RPS6KC1: variants seen among roughly 807,000 people sequenced by gnomAD.
RPS6KC1 encodes inactive ribosomal protein S6 kinase delta-1.
Under a neutral mutation model 103.8 loss-of-function variants are expected in RPS6KC1, and 54 were observed. The observed-to-expected ratio is 0.52, with a 90% CI of 0.42 to 0.65. The LOEUF is 0.65. Among genes scored for constraint, RPS6KC1 ranks in the 30% least tolerant of loss-of-function variants. The pLI is 0.00. For missense variants in RPS6KC1, 1,151 were observed against 1,253.8 expected (o/e 0.92, Z 1.24); for synonymous variants, 439 against 438.7 (o/e 1.00, Z -0.01).
the RPS6KC1 span, among the ~76,000 whole-genome samples, chr1:213,580,190 C>A: frequency 9.2e-5 from 14 of 151,988 alleles, no homozygotes; most frequent in African/African-American, 3.1e-4. Context: ...GTCAAAATAT[C>A]CATTTTAACA....
chr1:213,191,091 GT>G (rs970338941), intron 8 of RPS6KC1, among the ~76,000 whole-genome samples: 4 of 152,022 alleles, frequency 2.6e-5, no homozygotes, highest in African/African-American at 9.7e-5. Context: ...GTTTCTTCCA[GT>G]TTTGTTGTTT....
chr1:213,147,137 A>T (rs1204531371), intron 6 of RPS6KC1, among the ~76,000 whole-genome samples: 2 of 152,060 alleles, frequency 1.3e-5, no homozygotes, highest in Non-Finnish European at 2.9e-5. Flanking sequence ...CTCCCATTCT[A>T]TGGGCTGTCT....
chr1:213,301,745 A>ATTTATTTG, the RPS6KC1 span, among the ~76,000 whole-genome samples: 1 of 136,888 alleles, frequency 7.3e-6, no homozygotes, highest in Non-Finnish European at 1.6e-5. Context: ...TTATTTATTT[A>ATTTATTTG]TTTGTGAGAC....
intron 10 of RPS6KC1, among the ~76,000 whole-genome samples, chr1:213,234,125 TG>T (rs770093646): frequency 5.1e-4 from 77 of 151,786 alleles, no homozygotes; most frequent in Non-Finnish European, 1.0e-3. Context: ...TGGGCTCAAG[TG>T]ATCTCCCACC....
chr1:213,351,599 A>G, the RPS6KC1 span, among the ~76,000 whole-genome samples: 1 of 152,188 alleles, frequency 6.6e-6, no homozygotes, highest in Non-Finnish European at 1.5e-5. Context: ...ACTGAATGCT[A>G]TAGTCATGAC....
chr1:213,262,959 T>C, intron 14 of RPS6KC1, 143 bp downstream of exon 14: 4 of 625,342 alleles, frequency 6.4e-6, no homozygotes, highest in Non-Finnish European at 8.6e-6. Flanking sequence ...ATTAATACTG[T>C]ATATTTTCAG....
chr1:213,638,000 G>A, the RPS6KC1 span, among the ~76,000 whole-genome samples: 48 of 151,582 alleles, frequency 3.2e-4, no homozygotes, highest in Non-Finnish European at 5.0e-4. Context: ...AATTTTTTTT[G>A]TAGAGATGGA....
the RPS6KC1 span, among the ~76,000 whole-genome samples, chr1:213,343,165 C>T: frequency 6.6e-6 from 1 of 150,904 alleles, no homozygotes; most frequent in Non-Finnish European, 1.5e-5. Flanking sequence ...AATACTAAAA[C>T]ATTTCAATAG....
the RPS6KC1 span, among the ~76,000 whole-genome samples, chr1:213,711,952 C>T: frequency 6.6e-6 from 1 of 152,286 alleles, no homozygotes; most frequent in African/African-American, 2.4e-5. Flanking sequence ...GTCTGTTGAC[C>T]CCTGATGGGA....
intron 14 of RPS6KC1, among the ~76,000 whole-genome samples, chr1:213,264,813 C>T (rs771221494): frequency 6.6e-6 from 1 of 152,194 alleles, no homozygotes; most frequent in Middle Eastern, 3.4e-3. Flanking sequence ...AATAATTCTA[C>T]GTGGGGGAAA....
downstream of RPS6KC1, among the ~76,000 whole-genome samples, chr1:213,278,865 G>A (rs1377671445): frequency 6.6e-6 from 1 of 151,972 alleles, no homozygotes; most frequent in Non-Finnish European, 1.5e-5. Context: ...GTGTAGATAG[G>A]ATTTTTAAAC....
chr1:213,678,081 C>A, the RPS6KC1 span, among the ~76,000 whole-genome samples: 1 of 151,958 alleles, frequency 6.6e-6, no homozygotes, highest in Non-Finnish European at 1.5e-5. Flanking sequence ...GAAGGAGTTT[C>A]TTGTTTCGTT....
At chr1:213,354,103 G>A in the RPS6KC1 span, among the ~76,000 whole-genome samples, 1 of 152,172 alleles carries the variant, frequency 6.6e-6, no homozygotes, top group Non-Finnish European at 1.5e-5. Flanking sequence ...TACCTGTCTT[G>A]GCACCATTCC....
At chr1:213,150,093 C>G (rs1352396828) in intron 6 of RPS6KC1, among the ~76,000 whole-genome samples, 1 of 152,014 alleles carries the variant, frequency 6.6e-6, no homozygotes, top group African/African-American at 2.4e-5. Flanking sequence ...GTTTTTTCAT[C>G]CATTCAGCCA....
chr1:213,138,723 A>G (rs1438180232), intron 6 of RPS6KC1, among the ~76,000 whole-genome samples: 2 of 152,258 alleles, frequency 1.3e-5, no homozygotes, highest in East Asian at 1.9e-4. Context: ...ATTCTGTAGT[A>G]TATCTGTACC....
chr1:213,436,690 A>G, the RPS6KC1 span, among the ~76,000 whole-genome samples: 1 of 152,142 alleles, frequency 6.6e-6, no homozygotes. Flanking sequence ...TCTCAGTGAT[A>G]ATATTTTATA....
Position 213,205,547 on chromosome 1 carries a change from G to GATATAGATATATATATATATATAT in RPS6KC1, c.1045-24945_1045-24944insGATATATATATATATATATATATA, listed in dbSNP as rs1187996128. Among the ~76,000 whole-genome samples the GATATAGATATATATATATATATAT allele has an allele frequency of 9.3e-4, 95 of 102,470 alleles. 1 individual carries two copies. The highest frequency in any genetic ancestry group is 3.3e-3 in the African/African-American group (89 of 27,336). 67.2% of individuals were successfully genotyped at this position (102,470 alleles called of 152,430 possible). ...AACAACAAACTCATTTATATATATA[G>GATATAGATATATATATATATATAT]ATATATATATATATATATATTTCAA... is the stretch of plus-strand genomic sequence containing the variant. On this transcript the variant is annotated intron_variant, in intron 8 of 14. Transcript: ENST00000366960.
the RPS6KC1 span, among the ~76,000 whole-genome samples, chr1:213,551,341 C>T: frequency 3.3e-5 from 5 of 152,056 alleles, no homozygotes; most frequent in African/African-American, 1.2e-4. Context: ...TCAGCCCAGA[C>T]AAAAGGGGGA....
intron 10 of RPS6KC1, among the ~76,000 whole-genome samples, chr1:213,236,170 A>G (rs2094216522): frequency 6.6e-6 from 1 of 152,168 alleles, no homozygotes; most frequent in Admixed American, 6.6e-5. Flanking sequence ...GTTTCACCCC[A>G]AAACACTTTC....
Sources: allele counts gnomAD v4.1 joint callset (sites outside exome capture counted in the v4.1 genomes callset), GRCh38; gene constraint gnomAD v4.1.1; transcripts MANE v1.5; gene names NCBI Gene and HGNC (gene_info 2026-07-23, HGNC 2026-07-21).